CTNNBL1: variants seen among roughly 807,000 people sequenced by gnomAD.
CTNNBL1 encodes the protein catenin beta like 1.
CTNNBL1 carries 31 observed loss-of-function variants against 72.7 expected under a neutral mutation model. The ratio of observed to expected loss-of-function variants is 0.43; its 90% CI spans 0.32 to 0.58. The LOEUF is 0.58. Among genes scored for constraint, CTNNBL1 ranks in the 20% least tolerant of loss-of-function variants. The pLI is 0.08. For missense variants in CTNNBL1, 534 were observed against 725.1 expected, an observed-to-expected ratio of 0.74 and a Z score of 3.03; for synonymous variants, 240 against 267.3, an observed-to-expected ratio of 0.90 and a Z score of 1.00.
intron 11 of CTNNBL1, among the ~76,000 whole-genome samples, chr20:37,830,459 A>G (rs1042474751): frequency 3.3e-5 from 5 of 152,068 alleles, no homozygotes; most frequent in African/African-American, 4.8e-5. Context: ...CCATTTTAAA[A>G]CTTCAACAGA....
At chr20:37,696,562 G>A (rs2072794034) in intron 1 of CTNNBL1, among the ~76,000 whole-genome samples, 1 of 147,170 alleles carries the variant, frequency 6.8e-6, no homozygotes, top group East Asian at 2.1e-4. Context: ...TCCTGCCTCA[G>A]CCTCCTGAGT....
chr20:37,734,002 CTG>C (rs550825817), intron 2 of CTNNBL1, among the ~76,000 whole-genome samples: 3 of 152,164 alleles, frequency 2.0e-5, no homozygotes, highest in Non-Finnish European at 4.4e-5. Flanking sequence ...GACCTTACCT[CTG>C]TGTCTTTTTA....
intron 7 of CTNNBL1, 23 bp from the exon 8 acceptor site, chr20:37,777,322 T>C (rs368307753): frequency 2.1e-5 from 34 of 1,603,526 alleles, no homozygotes; most frequent in Non-Finnish European, 2.7e-5. Context: ...AACATTTTTC[T>C]CATTTCTCCT....
intron 5 of CTNNBL1, among the ~76,000 whole-genome samples, chr20:37,763,938 G>A (rs554727120): frequency 3.3e-5 from 5 of 152,282 alleles, no homozygotes; most frequent in South Asian, 2.1e-4. Flanking sequence ...AGTATCTGCC[G>A]TATATGGCAT....
intron 7 of CTNNBL1, among the ~76,000 whole-genome samples, chr20:37,771,130 C>G (rs2122674998): frequency 6.6e-6 from 1 of 152,286 alleles, no homozygotes; most frequent in Admixed American, 6.5e-5. Flanking sequence ...TCCAATCTCA[C>G]AGGGTTATTG....
At chr20:37,777,945 A>G (rs1454509432) in intron 9 of CTNNBL1, among the ~76,000 whole-genome samples, 2 of 152,174 alleles carry the variant, frequency 1.3e-5, no homozygotes, top group African/African-American at 2.4e-5. Flanking sequence ...ATCTTCTGAT[A>G]TGATATTGTC....
intron 10 of CTNNBL1, among the ~76,000 whole-genome samples, chr20:37,784,684 T>C (rs1207758416): frequency 3.9e-5 from 6 of 152,242 alleles, no homozygotes; most frequent in Non-Finnish European, 7.4e-5. Flanking sequence ...TATATCTTAT[T>C]ATACGGTCTA....
chr20:37,740,210 C>T (rs1270287164), intron 3 of CTNNBL1, among the ~76,000 whole-genome samples: 1 of 150,946 alleles, frequency 6.6e-6, no homozygotes, highest in Non-Finnish European at 1.5e-5. Context: ...TTTTTCATGT[C>T]GAAAAGCAGT....
intron 11 of CTNNBL1, among the ~76,000 whole-genome samples, chr20:37,830,438 C>T (rs2072198067): frequency 1.3e-5 from 2 of 152,162 alleles, no homozygotes; most frequent in Non-Finnish European, 2.9e-5. Flanking sequence ...ACGGAGCCTT[C>T]CCCTGCCCTG....
chr20:37,715,447 TA>T (rs537778447), intron 1 of CTNNBL1, among the ~76,000 whole-genome samples: 17 of 152,234 alleles, frequency 1.1e-4, no homozygotes, highest in Non-Finnish European at 2.2e-4. Context: ...ATAGTTTGGA[TA>T]ATCGTTTGGT....
At chr20:37,744,933 C>T (rs996633578) in intron 3 of CTNNBL1, among the ~76,000 whole-genome samples, 1 of 151,998 alleles carries the variant, frequency 6.6e-6, no homozygotes, top group African/African-American at 2.4e-5. Context: ...AGATCTTTGC[C>T]TTATATCATA....
Position 37,732,868 on chromosome 20 carries a change from T to A in CTNNBL1, c.31-11T>A. On this transcript the variant is annotated splice_polypyrimidine_tract_variant and intron_variant, in intron 1 of 15. Coordinates refer to ENST00000361383, the MANE Select transcript of CTNNBL1 (RefSeq NM_030877.5). ...ATCCAGCTCTAAAATCTTATGTTTCTTTTCTCTCAGCCCAATAGGGGCACA... is the reference window on the plus strand; with the variant it reads ...ATCCAGCTCTAAAATCTTATGTTTCATTTCTCTCAGCCCAATAGGGGCACA... The A allele has an allele frequency of 3.7e-6, 6 of 1,611,106 alleles. No individual in the cohort carries two copies. Among genetic ancestry groups the A allele is most frequent in the Non-Finnish European group, 5.1e-6 (6 of 1,178,876 alleles).
At chr20:37,706,447 T>C (rs957056922) in intron 1 of CTNNBL1, among the ~76,000 whole-genome samples, 26 of 152,274 alleles carry the variant, frequency 1.7e-4, no homozygotes, top group African/African-American at 5.8e-4. Flanking sequence ...GTCCACAGCA[T>C]CTTCACTAGG....
intron 13 of CTNNBL1, among the ~76,000 whole-genome samples, chr20:37,845,608 C>G (rs559423463): frequency 1.3e-5 from 2 of 152,310 alleles, no homozygotes; most frequent in African/African-American, 4.8e-5. Context: ...AGGCGCCATC[C>G]TAGCAGATGA....
intron 11 of CTNNBL1, among the ~76,000 whole-genome samples, chr20:37,804,754 G>A (rs1309139035): frequency 2.0e-5 from 3 of 152,234 alleles, no homozygotes; most frequent in African/African-American, 7.2e-5. Context: ...CCTGCTCTGC[G>A]GTCATGGCAC....
intron 4 of CTNNBL1, among the ~76,000 whole-genome samples, chr20:37,752,868 T>G (rs573901826): frequency 7.2e-5 from 11 of 152,240 alleles, no homozygotes; most frequent in African/African-American, 2.6e-4. Context: ...TCAAAAACTG[T>G]GTTTTAGTAA....
intron 11 of CTNNBL1, among the ~76,000 whole-genome samples, chr20:37,834,165 T>G (rs926520307): frequency 2.4e-4 from 37 of 152,306 alleles, no homozygotes; most frequent in Middle Eastern, 3.4e-3. Flanking sequence ...GTTATTCTAT[T>G]TATTACATTT....
At chr20:37,839,086 A>T (rs1391163342) in intron 11 of CTNNBL1, among the ~76,000 whole-genome samples, 2 of 152,096 alleles carry the variant, frequency 1.3e-5, no homozygotes, top group African/African-American at 2.4e-5. Flanking sequence ...GAAAATAGAA[A>T]TCTAAGGACT....
chr20:37,709,053 C>G (rs1348978284), intron 1 of CTNNBL1, among the ~76,000 whole-genome samples: 1 of 152,102 alleles, frequency 6.6e-6, no homozygotes, highest in African/African-American at 2.4e-5. Flanking sequence ...AGGAGAATTG[C>G]TTGAACCTGG....
Sources: allele counts gnomAD v4.1 joint callset (sites outside exome capture counted in the v4.1 genomes callset), GRCh38; gene constraint gnomAD v4.1.1; transcripts MANE v1.5; gene names NCBI Gene and HGNC (gene_info 2026-07-23, HGNC 2026-07-21).